Variants in HIF3A observed in about 807,000 individuals in gnomAD.
HIF3A encodes the protein hypoxia-inducible factor 3-alpha.
Under a neutral mutation model 67.2 loss-of-function variants are expected in HIF3A, and 41 were observed. That is an observed-to-expected ratio of 0.61 (90% CI 0.48 to 0.79). HIF3A has a LOEUF of 0.79. HIF3A is among the 30% of genes least tolerant of loss of function. HIF3A has a pLI of 0.00. For synonymous variants in HIF3A, 356 were observed against 374.8 expected (o/e 0.95, Z 0.58); for missense variants, 855 against 898.0 (o/e 0.95, Z 0.61).
chr19:46,339,481 T>C, intron 14 of HIF3A, 44 bp from the exon 15 acceptor site: 1 of 1,310,642 alleles, frequency 7.6e-7, no homozygotes, highest in Non-Finnish European at 1.1e-6. Flanking sequence ...GATTTATCTT[T>C]CGTCTTTTAC....
chr19:46,325,428 A>T (rs1010811645), intron 10 of HIF3A, 107 bp from the exon 11 acceptor site: 3 of 755,480 alleles, frequency 4.0e-6, no homozygotes, highest in Non-Finnish European at 6.8e-6. Context: ...TGTGCCCCAG[A>T]TGCCTGGCAT....
intron 1 of HIF3A, 143 bp from the exon 2 acceptor site, chr19:46,303,755 A>G: frequency 6.6e-7 from 1 of 1,505,140 alleles, no homozygotes; most frequent in Non-Finnish European, 9.1e-7. Flanking sequence ...CGCGAACTCG[A>G]CAGGGCCACA....
chr19:46,333,817 G>C (rs1971419099), intron 13 of HIF3A, among the ~76,000 whole-genome samples: 2 of 90,792 alleles, frequency 2.2e-5, no homozygotes, highest in South Asian at 7.7e-4. Context: ...TTTTGAGACA[G>C]AGTCTCACTC....
chr19:46,329,583 T>C, intron 12 of HIF3A, 105 bp downstream of exon 12: 1 of 1,314,176 alleles, frequency 7.6e-7, no homozygotes, highest in Non-Finnish European at 9.9e-7. Context: ...AACCCTGATC[T>C]CTGCTCCAGC....
rs146055207 is a variant in HIF3A, at chr19:46,338,027, G to A, written c.1913-1498G>A. 1.3e-3 allele frequency among the ~76,000 whole-genome samples: 197 copies of A among 152,284 alleles called. 3 individuals are homozygous for A. The highest frequency in any genetic ancestry group is 4.6e-3 in the African/African-American group (191 of 41,558). On this transcript the variant is annotated intron_variant, in intron 14 of 14. Coordinates refer to ENST00000377670, the MANE Select transcript of HIF3A (RefSeq NM_152795.4). ...TTGTGAATGAGGAGCTAAGATTCAC[G>A]CACTCGCACTGTGCCTAGCTTTGTG... is the stretch of plus-strand genomic sequence containing the variant.
intron 3 of HIF3A, among the ~76,000 whole-genome samples, chr19:46,307,840 C>T (rs548087336): frequency 5.3e-5 from 8 of 151,946 alleles, no homozygotes; most frequent in South Asian, 2.1e-4. Flanking sequence ...AGGATCAGAT[C>T]GCTTGAGCCC....
Position 46,329,322 on chromosome 19 carries a change from T to TC in HIF3A, c.1561dup (p.Arg521ProfsTer16). 1.2e-6 allele frequency: 2 copies of TC among 1,613,194 alleles called. No homozygotes were observed. The highest frequency in any genetic ancestry group is 1.7e-6 in the Non-Finnish European group (2 of 1,179,914). On this transcript the variant is annotated frameshift_variant, in exon 12 of 15. Transcript: ENST00000377670. LOFTEE classifies it high-confidence loss of function. Reference sequence around the variant, plus strand: ...GCCTACCACAGACCTCTGGGGGCTGTCCCCCGGCCCCGTGCTCGGAGCTTC... The same window carrying TC: ...GCCTACCACAGACCTCTGGGGGCTGTCCCCCCGGCCCCGTGCTCGGAGCTTC...
chr19:46,308,627 G>A, intron 4 of HIF3A, 36 bp from the exon 5 acceptor site: 1 of 1,318,174 alleles, frequency 7.6e-7, no homozygotes, highest in Non-Finnish European at 1.1e-6. Context: ...GTGTGTAGCT[G>A]CCTGTGACCT....
At chr19:46,317,340 C>T (rs1471241498) in intron 8 of HIF3A, among the ~76,000 whole-genome samples, 2 of 152,140 alleles carry the variant, frequency 1.3e-5, no homozygotes, top group African/African-American at 4.8e-5. Context: ...CAGATGTGAA[C>T]CACCATGCCA....
intron 5 of HIF3A, 55 bp downstream of exon 5, chr19:46,308,830 T>C (rs2147153541): frequency 1.7e-6 from 2 of 1,189,586 alleles, no homozygotes; most frequent in Non-Finnish European, 2.4e-6. Context: ...GTGTGAGCCC[T>C]GAAAGATCTT....
intron 5 of HIF3A, 57 bp from the exon 6 acceptor site, chr19:46,309,094 A>C (rs1431153100): frequency 6.1e-6 from 9 of 1,472,284 alleles, no homozygotes; most frequent in East Asian, 2.3e-5. Context: ...TTCCAACCCC[A>C]TGGGTGGTCT....
intron 10 of HIF3A, among the ~76,000 whole-genome samples, chr19:46,323,400 A>T (rs1439223857): frequency 6.6e-6 from 1 of 152,008 alleles, no homozygotes; most frequent in Non-Finnish European, 1.5e-5. Flanking sequence ...AAGATTAGAG[A>T]CCTGCCTTTG....
chr19:46,305,356 C>A lies in HIF3A; in HGVS notation c.329C>A (p.Ser110Ter), dbSNP rs760414002. ...GCCGAGGGAGACATGGCTTACCTGTCGGAGAATGTCAGCAAACACCTGGGC... is the reference window on the plus strand; with the variant it reads ...GCCGAGGGAGACATGGCTTACCTGTAGGAGAATGTCAGCAAACACCTGGGC... Reference protein sequence around the residue: ...LTAEGDMAYLSENVSKHLGLS... With the variant: ...LTAEGDMAYL The change falls in exon 3 of 15, where the codon TCG becomes TAG. Residue 110 changes from serine (S) to a stop codon, truncating the protein, a stop_gained. Coordinates refer to ENST00000377670, the MANE Select transcript of HIF3A (RefSeq NM_152795.4). LOFTEE classifies it high-confidence loss of function. The A allele has an allele frequency of 2.5e-6, 4 of 1,614,040 alleles. No individual in the cohort carries two copies. Among genetic ancestry groups the A allele is most frequent in the Non-Finnish European group, 3.4e-6 (4 of 1,180,022 alleles).
Position 46,321,787 on chromosome 19 carries a change from C to T in HIF3A, c.1156C>T (p.Pro386Ser). Residue 386 changes from proline to serine, a missense_variant, in exon 10 of 15, where the codon CCC (proline) becomes TCC (serine). By Grantham distance (74) the Pro-to-Ser change is moderately conservative. Coordinates refer to ENST00000377670, the MANE Select transcript of HIF3A (RefSeq NM_152795.4). The stretch of plus-strand genomic sequence containing the variant: ...CATGTGTCCTGCAGACACCCCTGGC[C>T]CCCGGATCCTTGCCTTCCTGCACCC... ...NPGDSLDTPG[P>S]RILAFLHPPS... 2.5e-6 allele frequency: 4 copies of T among 1,613,502 alleles called. No individual in the cohort carries two copies. The highest frequency in any genetic ancestry group is 2.2e-5 in the East Asian group (1 of 44,858).
chr19:46,305,015 A>T, intron 2 of HIF3A: 1 of 661,136 alleles, frequency 1.5e-6, no homozygotes, highest in South Asian at 1.6e-5. Context: ...GGAGACTCCT[A>T]CTTCCTTAGA....
intron 8 of HIF3A, among the ~76,000 whole-genome samples, chr19:46,318,785 T>G (rs1302831137): frequency 6.6e-6 from 1 of 151,764 alleles, no homozygotes; most frequent in East Asian, 2.0e-4. Flanking sequence ...CACACTCAGC[T>G]AATTTTTGTA....
At chr19:46,312,138 A>G in intron 6 of HIF3A, 23 bp from the exon 7 acceptor site, 1 of 1,590,930 alleles carries the variant, frequency 6.3e-7, no homozygotes, top group Non-Finnish European at 8.6e-7. Context: ...TCCTGACCAG[A>G]CCCCACTCCG....
chr19:46,303,479 G>T, intron 1 of HIF3A: 1 of 667,160 alleles, frequency 1.5e-6, no homozygotes, highest in Non-Finnish European at 2.6e-6. Flanking sequence ...GGGCCTGGGA[G>T]GCTGTAGGCC....
chr19:46,324,032 C>T (rs1040492189), intron 10 of HIF3A, among the ~76,000 whole-genome samples: 5 of 152,134 alleles, frequency 3.3e-5, no homozygotes, highest in African/African-American at 1.2e-4. Flanking sequence ...TGACCCTCCT[C>T]CCACTCCAGC....
Sources: gnomAD v4.1 joint callset for allele counts (sites outside exome capture counted in the v4.1 genomes callset) on GRCh38, gnomAD v4.1.1 for gene constraint, MANE v1.5 for transcripts, NCBI Gene and HGNC (gene_info 2026-07-23, HGNC 2026-07-21) for gene names.